Variants in STK33 observed in about 807,000 individuals in gnomAD.
STK33 encodes serine/threonine kinase 33, also known as serine/threonine-protein kinase 33.
STK33 carries 52 observed loss-of-function variants against 58.0 expected under a neutral mutation model. The ratio of observed to expected loss-of-function variants is 0.90; its 90% CI spans 0.72 to 1.13. STK33 has a LOEUF of 1.13. STK33 is among the 50% of genes most tolerant of loss of function. The pLI is 0.00. For missense variants in STK33, 630 were observed against 604.2 expected (o/e 1.04, Z -0.45); for synonymous variants, 215 against 200.1 (o/e 1.07, Z -0.63).
chr11:8,543,330 T>C (rs544836562), intron 1 of STK33, among the ~76,000 whole-genome samples: 1 of 152,350 alleles, frequency 6.6e-6, no homozygotes, highest in Non-Finnish European at 1.5e-5. Flanking sequence ...ATTATTATTT[T>C]ATTTGGCCAC....
chr11:8,351,492 C>T, the STK33 span, among the ~76,000 whole-genome samples: 70 of 152,302 alleles, frequency 4.6e-4, no homozygotes, highest in Non-Finnish European at 7.8e-4. Flanking sequence ...TGGTTCTGGC[C>T]GTCCCTGCAC....
the STK33 span, among the ~76,000 whole-genome samples, chr11:8,354,472 C>CCACACACACACACA: frequency 8.3e-3 from 468 of 56,050 alleles, 7 homozygotes; most frequent in African/African-American, 0.026. Context: ...GTCTGCAAAA[C>CCACACACACACACA]CTCACACACA....
chr11:8,590,646 A>G (rs796997898), intron 1 of STK33, among the ~76,000 whole-genome samples: 17 of 152,242 alleles, frequency 1.1e-4, no homozygotes, highest in African/African-American at 3.6e-4. Flanking sequence ...CTTCAAGTCA[A>G]TAAAACTGTG....
At chr11:8,354,472 C>CCA in the STK33 span, among the ~76,000 whole-genome samples, 360 of 56,062 alleles carry the variant, frequency 6.4e-3, 2 homozygotes, top group African/African-American at 0.023. Flanking sequence ...GTCTGCAAAA[C>CCA]CTCACACACA....
chr11:8,371,466 T>G, the STK33 span, among the ~76,000 whole-genome samples: 2 of 152,194 alleles, frequency 1.3e-5, no homozygotes, highest in Non-Finnish European at 2.9e-5. Context: ...ACTTCTGGCC[T>G]CCTGAACTAT....
chr11:8,574,444 T>C (rs952322870), intron 1 of STK33, among the ~76,000 whole-genome samples: 1 of 152,154 alleles, frequency 6.6e-6, no homozygotes, highest in Non-Finnish European at 1.5e-5. Flanking sequence ...ACTTTTTCTT[T>C]TTAAAATAAC....
At chr11:8,367,101 T>A in the STK33 span, among the ~76,000 whole-genome samples, 1 of 152,252 alleles carries the variant, frequency 6.6e-6, no homozygotes, top group African/African-American at 2.4e-5. Flanking sequence ...AGTTTATGTG[T>A]AGAAAGTATA....
chr11:8,536,974 T>C (rs1344186065), intron 1 of STK33, among the ~76,000 whole-genome samples: 151 of 85,876 alleles, frequency 1.8e-3, no homozygotes, highest in Non-Finnish European at 2.8e-3. Flanking sequence ...AAAAAAAGAT[T>C]TTTTTTTTTT....
At chr11:8,390,519 C>T (rs1262773518), downstream of STK33, among the ~76,000 whole-genome samples, 1 of 152,058 alleles carries the variant, frequency 6.6e-6, no homozygotes, top group African/African-American at 2.4e-5. Context: ...TCAGACATGG[C>T]CTGGTCCAAG....
At chr11:8,395,190 T>G (rs1849125676) in intron 15 of STK33, among the ~76,000 whole-genome samples, 1 of 152,216 alleles carries the variant, frequency 6.6e-6, no homozygotes, top group South Asian at 2.1e-4. Flanking sequence ...AGTCTTATCT[T>G]GAATTGTAGC....
At chr11:8,386,559 G>A in the STK33 span, among the ~76,000 whole-genome samples, 2 of 152,188 alleles carry the variant, frequency 1.3e-5, no homozygotes, top group Non-Finnish European at 2.9e-5. Context: ...AGTGGCCTGG[G>A]AGGTGGGCAG....
chr11:8,343,991 G>A, the STK33 span, among the ~76,000 whole-genome samples: 1 of 152,102 alleles, frequency 6.6e-6, no homozygotes, highest in Non-Finnish European at 1.5e-5. Flanking sequence ...CCCAGTCCAC[G>A]GCTCCTTCTT....
chr11:8,557,627 G>T (rs949315149), intron 1 of STK33, among the ~76,000 whole-genome samples: 3 of 151,998 alleles, frequency 2.0e-5, no homozygotes, highest in Admixed American at 2.0e-4. Flanking sequence ...CAGATGTAAA[G>T]AAGGCAATTA....
At chr11:8,363,798 G>A in the STK33 span, among the ~76,000 whole-genome samples, 99 of 152,132 alleles carry the variant, frequency 6.5e-4, no homozygotes, top group Non-Finnish European at 1.1e-3. Context: ...ATATAGTTGG[G>A]AAATAAAAAC....
intron 7 of STK33, among the ~76,000 whole-genome samples, chr11:8,462,825 G>A (rs988892314): frequency 1.6e-4 from 24 of 151,910 alleles, no homozygotes; most frequent in African/African-American, 4.4e-4. Context: ...CACCATCACC[G>A]CCCTGCCAAA....
At chr11:8,520,569 T>C (rs1953319532) in intron 1 of STK33, among the ~76,000 whole-genome samples, 1 of 152,196 alleles carries the variant, frequency 6.6e-6, no homozygotes. Context: ...TGTTTGCAGA[T>C]GACATGATTG....
the STK33 span, among the ~76,000 whole-genome samples, chr11:8,374,107 C>G: frequency 6.6e-6 from 1 of 152,348 alleles, no homozygotes; most frequent in South Asian, 2.1e-4. Context: ...AGTTAGACAG[C>G]CTGTGGAAGT....
In STK33 at chr11:8,452,881, T is replaced by C. The variant is rs373443603; in HGVS notation, c.812A>G (p.Lys271Arg). ...IKVTDFGLAV[K>R]KQSRSEAMLQ... is the part of the protein sequence containing the mutation. ...CATGGCTTCACTCCTACTTTGCTTC[T>C]TCACCGCTAAGCCAAAATCAGTCAC... The change falls in exon 11 of 16, where the codon AAG becomes AGG. Residue 271 changes from lysine to arginine, a missense_variant. Physicochemically the swap from Lys to Arg is conservative, Grantham distance 26. Coordinates refer to ENST00000687296, the MANE Select transcript of STK33 (RefSeq NM_001352389.2). 1 of 1,614,060 alleles carries C rather than the reference T, an allele frequency of 6.2e-7. No homozygotes were observed. Among genetic ancestry groups the C allele is most frequent in the African/African-American group, 1.3e-5 (1 of 74,934 alleles).
At chr11:8,340,771 C>A in the STK33 span, among the ~76,000 whole-genome samples, 2 of 152,226 alleles carry the variant, frequency 1.3e-5, no homozygotes, top group Non-Finnish European at 2.9e-5. Context: ...GCTCTATGCA[C>A]CCCTGTTCTA....
Sources: gnomAD v4.1 joint callset for allele counts (sites outside exome capture counted in the v4.1 genomes callset) on GRCh38, gnomAD v4.1.1 for gene constraint, MANE v1.5 for transcripts, NCBI Gene and HGNC (gene_info 2026-07-23, HGNC 2026-07-21) for gene names.